The following MTCH1 variants were observed in gnomAD, a reference collection of about 807,000 sequenced individuals.
The protein encoded by MTCH1 is mitochondrial carrier homolog 1.
Under a neutral mutation model 49.3 loss-of-function variants are expected in MTCH1, and 23 were observed. The observed-to-expected ratio is 0.47, with a 90% CI of 0.34 to 0.66. The LOEUF is 0.66. Among genes scored for constraint, MTCH1 ranks in the 30% least tolerant of loss-of-function variants. The pLI, the probability that MTCH1 is intolerant of heterozygous loss-of-function variation, is 0.01. For synonymous variants in MTCH1, 229 were observed against 215.2 expected, an observed-to-expected ratio of 1.06 and a Z score of -0.56; for missense variants, 397 against 532.1, an observed-to-expected ratio of 0.75 and a Z score of 2.50.
intron 2 of MTCH1, among the ~76,000 whole-genome samples, chr6:36,980,206 G>T (rs1017105160): frequency 6.6e-6 from 1 of 152,208 alleles, no homozygotes; most frequent in African/African-American, 2.4e-5. Context: ...CAGGCTGGGG[G>T]CACACCTGAG....
In MTCH1 at chr6:36,986,191, T is replaced by C. The variant is rs1029004093; in HGVS notation, c.-18A>G. The C allele has an allele frequency of 3.2e-5, 45 of 1,416,152 alleles. 1 individual carries two copies. The Admixed American group carries it at 3.9e-4, about 12-fold the overall frequency. The allele number at this position is 1,416,152 out of a possible 1,614,324, so 87.7% of individuals were successfully genotyped here. ...GCTCCCATGGCGCCCGGCGGCGAGG[T>C]CACTCCCCGTCACGTGACGGGGCCA... On this transcript the variant is annotated 5_prime_UTR_variant, in exon 1 of 12. Transcript: ENST00000373627.
chr6:36,968,809 G>C lies in MTCH1; in HGVS notation c.*94C>G. 6.4e-7 allele frequency: 1 copy of C among 1,568,242 alleles called. No homozygotes were observed. Among genetic ancestry groups the C allele is most frequent in the South Asian group, 1.1e-5 (1 of 89,196 alleles). On this transcript the variant is annotated 3_prime_UTR_variant, in exon 12 of 12. Transcript: ENST00000373627. ...CGGCTGGGCTGGAGCACATCTGGTT[G>C]TTGTTGGGTTGGAGTCGTCTTGCAG...
Position 36,977,985 on chromosome 6 carries a change from T to C in MTCH1, c.591+93A>G, listed in dbSNP as rs1433872232. The C allele has an allele frequency of 8.5e-6, 10 of 1,170,020 alleles. No individual in the cohort carries two copies. Among genetic ancestry groups the C allele is most frequent in the African/African-American group, 3.0e-5 (2 of 66,138 alleles). 72.5% of individuals were successfully genotyped at this position (1,170,020 alleles called of 1,614,324 possible). On this transcript the variant is annotated intron_variant, in intron 4 of 11. Coordinates refer to ENST00000373627, the MANE Select transcript of MTCH1 (RefSeq NM_001271641.2). This position sits in a 1 kb window ranked among gnomAD's most constrained non-coding sequence, Gnocchi z 5.4. ...ACCCATGCATACACAAGGACCCAAC[T>C]CTTCGACTTGTCAATGACCCGCCCA... is the stretch of plus-strand genomic sequence containing the variant.
chr6:36,980,009 C>T lies in MTCH1; in HGVS notation c.407-1398G>A, dbSNP rs369335958. ...GAAACCCTCTGGGAAGTTCTTTCTTCTACACCAGAGAATGTCATGACAGCT... is the reference window on the plus strand; with the variant it reads ...GAAACCCTCTGGGAAGTTCTTTCTTTTACACCAGAGAATGTCATGACAGCT... On this transcript the variant is annotated intron_variant, in intron 2 of 11. Coordinates refer to ENST00000373627, the MANE Select transcript of MTCH1 (RefSeq NM_001271641.2). 2.0e-5 allele frequency among the ~76,000 whole-genome samples: 3 copies of T among 152,302 alleles called. No homozygotes were observed. In the East Asian group the frequency reaches 5.8e-4, roughly 29 times the overall value.
At chr6:36,981,790 G>A (rs1037085659) in intron 1 of MTCH1, 118 bp from the exon 2 acceptor site, 2 of 839,612 alleles carry the variant, frequency 2.4e-6, no homozygotes, top group African/African-American at 1.8e-5. Flanking sequence ...TTCTAATGTG[G>A]CTCTTGTTCA....
intron 1 of MTCH1, 116 bp downstream of exon 1, chr6:36,985,737 T>TCCCCCCC: frequency 3.6e-6 from 1 of 278,462 alleles, no homozygotes. Context: ...AAACCCGCCG[T>TCCCCCCC]CCCCACCCCT....
At chr6:36,969,447 G>C in intron 11 of MTCH1, 1 of 1,066,750 alleles carries the variant, frequency 9.4e-7, no homozygotes, top group South Asian at 3.0e-5. Flanking sequence ...GAAAAGGCAA[G>C]GTTCTGCCCT....
Position 36,981,634 on chromosome 6 carries a change from A to G in MTCH1, c.360T>C (p.Asn120=). 1 of 1,613,812 alleles carries G rather than the reference A, an allele frequency of 6.2e-7. No individual in the cohort carries two copies. The highest frequency in any genetic ancestry group is 8.5e-7 in the Non-Finnish European group (1 of 1,179,882). Residue 120 remains asparagine (N), a synonymous_variant, in exon 2 of 12, where the codon AAT becomes AAC. Coordinates refer to ENST00000373627, the MANE Select transcript of MTCH1 (RefSeq NM_001271641.2). ...HEPMPPTLGT[N]VLGRKVLYLP... is the part of the protein sequence containing the mutation. ...GATAGAGGACCTTCCTCCCCAGCAC[A>G]TTGGTCCCAAGGGTGGGGGGCATCG... is the stretch of plus-strand genomic sequence containing the variant.
chr6:36,985,465 A>G (rs1040199765), intron 1 of MTCH1, among the ~76,000 whole-genome samples: 3 of 150,844 alleles, frequency 2.0e-5, no homozygotes, highest in Admixed American at 6.6e-5. Context: ...CCCTCCCCCA[A>G]TTCTATTGCT....
At chr6:36,985,804 C>T in intron 1 of MTCH1, 49 bp downstream of exon 1, 1 of 1,376,258 alleles carries the variant, frequency 7.3e-7, no homozygotes, top group Non-Finnish European at 9.6e-7. Context: ...CCTGGCCTGT[C>T]ACCTTCACAT....
In MTCH1 at chr6:36,972,551, C is replaced by T. The variant is rs1392562249; in HGVS notation, c.906+101G>A. ...GGATAATGAGAGGTCCTCTCTCACC[C>T]TCCCGGCCTGATGCTGAGAATCCCA... On this transcript the variant is annotated intron_variant, in intron 8 of 11. Transcript: ENST00000373627. This position sits in a 1 kb window ranked among gnomAD's most constrained non-coding sequence, Gnocchi z 4.1. 5 of 1,399,264 alleles carry T rather than the reference C, an allele frequency of 3.6e-6. No individual in the cohort carries two copies. The African/African-American group carries it at 4.3e-5, about 12-fold the overall frequency. 86.7% of individuals were successfully genotyped at this position (1,399,264 alleles called of 1,614,324 possible).
Position 36,972,889 on chromosome 6 carries a change from C to T in MTCH1, c.762-93G>A. On this transcript the variant is annotated intron_variant, in intron 7 of 11. Transcript: ENST00000373627. The surrounding 1 kb of genome is among the most constrained non-coding windows in gnomAD (Gnocchi z 4.1). ...AGGAAGCAGGCAGGGATGTTCCGAG[C>T]TCAAAATCTTAGCATATCCAATGGC... 2 of 1,325,728 alleles carry T rather than the reference C, an allele frequency of 1.5e-6. No individual in the cohort carries two copies. The highest frequency in any genetic ancestry group is 2.1e-6 in the Non-Finnish European group (2 of 966,572). 82.1% of individuals were successfully genotyped at this position (1,325,728 alleles called of 1,614,324 possible).
Position 36,982,329 on chromosome 6 carries a change from CTA to C in MTCH1, c.322-659_322-658del, listed in dbSNP as rs1438874160. Among the ~76,000 whole-genome samples the C allele has an allele frequency of 1.3e-5, 2 of 152,094 alleles. No individual in the cohort carries two copies. Among genetic ancestry groups the C allele is most frequent in the African/African-American group, 4.8e-5 (2 of 41,412 alleles). Reference sequence around the variant, plus strand: ...AAACGACCCCCTCATTTCTGTAGGGCTATGATAGTTCTTGCTGTACAGATGCT... The same window carrying C: ...AAACGACCCCCTCATTTCTGTAGGGCTGATAGTTCTTGCTGTACAGATGCT... On this transcript the variant is annotated intron_variant, in intron 1 of 11. Coordinates refer to ENST00000373627, the MANE Select transcript of MTCH1 (RefSeq NM_001271641.2). This position sits in a 1 kb window ranked among gnomAD's most constrained non-coding sequence, Gnocchi z 4.1.
intron 11 of MTCH1, chr6:36,969,221 T>C (rs1395195457): frequency 1.0e-6 from 1 of 985,312 alleles, no homozygotes; most frequent in Non-Finnish European, 1.2e-6. Context: ...AGGAGGCTCA[T>C]TGCCCCTCTT....
Position 36,985,845 on chromosome 6 carries a change from T to C in MTCH1, c.321+8A>G. The C allele has an allele frequency of 6.4e-7, 1 of 1,552,336 alleles. No homozygotes were observed. The highest frequency in any genetic ancestry group is 8.7e-7 in the Non-Finnish European group (1 of 1,148,086). ...TCCCATCTCCCTACGGCGCCTCTGG[T>C]CCCCCACCTGGATGAGCAGCTTCAC... is the stretch of plus-strand genomic sequence containing the variant. On this transcript the variant is annotated splice_region_variant and intron_variant, in intron 1 of 11. Coordinates refer to ENST00000373627, the MANE Select transcript of MTCH1 (RefSeq NM_001271641.2).
At position 36,969,773 on chromosome 6, in the gene MTCH1, A is replaced by G. The variant is rs548786207; in HGVS notation, c.1098+266T>C. On this transcript the variant is annotated intron_variant, in intron 11 of 11. Coordinates refer to ENST00000373627, the MANE Select transcript of MTCH1 (RefSeq NM_001271641.2). ...CCTGGGCCAGAGTTCTCTTATCCTT[A>G]TCCTAAGAGTCTTTAAGACTCAAAG... 14 of 1,361,050 alleles carry G rather than the reference A, an allele frequency of 1.0e-5. No homozygotes were observed. In the South Asian group the frequency reaches 2.0e-4, roughly 20 times the overall value. 84.3% of individuals were successfully genotyped at this position (1,361,050 alleles called of 1,614,324 possible).
At position 36,985,363 on chromosome 6, in the gene MTCH1, T is replaced by C. The variant is rs545798166; in HGVS notation, c.321+490A>G. 9.7e-4 allele frequency among the ~76,000 whole-genome samples: 146 copies of C among 151,258 alleles called. 1 individual carries two copies. The highest frequency in any genetic ancestry group is 3.4e-3 in the Middle Eastern group (1 of 290). On this transcript the variant is annotated intron_variant, in intron 1 of 11. Transcript: ENST00000373627. Reference sequence around the variant, plus strand: ...TCTCTATCAAATCCAGAGCCTCCGTTCCCCTCTACCCCAATTATGTGCTCC... The same window carrying C: ...TCTCTATCAAATCCAGAGCCTCCGTCCCCCTCTACCCCAATTATGTGCTCC...
At position 36,981,617 on chromosome 6, in the gene MTCH1, A is replaced by G. The variant is rs1410145917; in HGVS notation, c.377T>C (p.Val126Ala). Residue 126 changes from valine (V) to alanine (A), a missense_variant, in exon 2 of 12, where the codon GTC becomes GCC. Val to Ala is a moderately conservative substitution (Grantham distance 64). Transcript: ENST00000373627. The stretch of plus-strand genomic sequence containing the variant: ...GGTGAAGAAGCTCGGCAGATAGAGG[A>G]CCTTCCTCCCCAGCACATTGGTCCC... ...TLGTNVLGRKVLYLPSFFTYA... is the reference protein window; with the variant it reads ...TLGTNVLGRKALYLPSFFTYA... The G allele has an allele frequency of 6.2e-7, 1 of 1,613,928 alleles. No homozygotes were observed. Among genetic ancestry groups the G allele is most frequent in the Admixed American group, 1.7e-5 (1 of 60,002 alleles).
rs1297550607 is a variant in MTCH1 at position 36,977,612 on chromosome 6, C to T, written c.649+22G>A. The T allele has an allele frequency of 2.6e-6, 4 of 1,559,760 alleles. No individual in the cohort carries two copies. Among genetic ancestry groups the T allele is most frequent in the African/African-American group, 1.4e-5 (1 of 73,872 alleles). On this transcript the variant is annotated intron_variant, in intron 5 of 11. Transcript: ENST00000373627. This position sits in a 1 kb window ranked among gnomAD's most constrained non-coding sequence, Gnocchi z 5.4. ...CCCGACGCCAGCTTAGATACAGTCT[C>T]GGGGGAAGGGGGGTGGCTTACCATG...
Sources: allele counts gnomAD v4.1 joint callset (sites outside exome capture counted in the v4.1 genomes callset), GRCh38; gene constraint gnomAD v4.1.1; non-coding constraint Gnocchi (gnomAD v3.1); transcripts MANE v1.5; gene names NCBI Gene and HGNC (gene_info 2026-07-23, HGNC 2026-07-21).